ASAP1: variants seen among roughly 807,000 people sequenced by gnomAD.
ASAP1 encodes arf-GAP with SH3 domain, ANK repeat and PH domain-containing protein 1.
In ASAP1, 43 loss-of-function variants were observed where a neutral mutation model predicts 145.2. The observed-to-expected ratio is 0.30, with a 90% CI of 0.23 to 0.38. The LOEUF is 0.38. ASAP1 is among the 10% of genes least tolerant of loss of function. The pLI, the probability that ASAP1 is intolerant of heterozygous loss-of-function variation, is 1.00. For synonymous variants in ASAP1, 546 were observed against 515.5 expected, an observed-to-expected ratio of 1.06 and a Z score of -0.80; for missense variants, 1,018 against 1,355.3, an observed-to-expected ratio of 0.75 and a Z score of 3.91.
At chr8:130,425,785 G>T (rs959243112) in intron 1 of ASAP1, among the ~76,000 whole-genome samples, 2 of 152,188 alleles carry the variant, frequency 1.3e-5, no homozygotes, top group African/African-American at 4.8e-5. Flanking sequence ...ACACATTCCT[G>T]TTCTAAAGCG....
intron 3 of ASAP1, among the ~76,000 whole-genome samples, chr8:130,300,180 A>AGCGAGCGAGC (rs796087046): frequency 2.1e-5 from 3 of 142,558 alleles, no homozygotes; most frequent in South Asian, 2.4e-4. Flanking sequence ...AGAGAGAGAG[A>AGCGAGCGAGC]GAGAGAGCGA....
chr8:130,231,100 C>T (rs888409813), intron 4 of ASAP1, among the ~76,000 whole-genome samples: 1 of 152,154 alleles, frequency 6.6e-6, no homozygotes, highest in African/African-American at 2.4e-5. Context: ...TCCTAGATTT[C>T]CTTGTGCACT....
chr8:130,187,407 T>G, intron 6 of ASAP1, 122 bp from the exon 7 acceptor site: 1 of 779,316 alleles, frequency 1.3e-6, no homozygotes, highest in Non-Finnish European at 2.1e-6. Context: ...CTTCACTTTA[T>G]GCACGTTACA....
At chr8:130,362,508 T>A (rs1826766652) in intron 2 of ASAP1, among the ~76,000 whole-genome samples, 1 of 152,250 alleles carries the variant, frequency 6.6e-6, no homozygotes, top group South Asian at 2.1e-4. Context: ...AGTAGGCTGA[T>A]GCATAGTGAA....
At chr8:130,375,834 G>A (rs929276429) in intron 2 of ASAP1, among the ~76,000 whole-genome samples, 1 of 152,194 alleles carries the variant, frequency 6.6e-6, no homozygotes, top group African/African-American at 2.4e-5. Flanking sequence ...TGATTTCAAA[G>A]CCAGGACTGT....
At chr8:130,397,286 G>A (rs1471233708) in intron 2 of ASAP1, among the ~76,000 whole-genome samples, 4 of 151,938 alleles carry the variant, frequency 2.6e-5, no homozygotes, top group Non-Finnish European at 4.4e-5. Context: ...GACTACAGGC[G>A]CCCACCACCA....
chr8:130,110,295 TCTGAACAGGCATAGG>T (rs2097544538), intron 24 of ASAP1, among the ~76,000 whole-genome samples: 1 of 152,218 alleles, frequency 6.6e-6, no homozygotes, highest in Non-Finnish European at 1.5e-5. Flanking sequence ...CTAGAGGCTC[TCTGAACAGGCATAGG>T]CTGTGCCTGT....
chr8:130,421,938 C>T (rs1348824737), intron 1 of ASAP1, among the ~76,000 whole-genome samples: 1 of 152,128 alleles, frequency 6.6e-6, no homozygotes, highest in Non-Finnish European at 1.5e-5. Flanking sequence ...TCCAAATAAA[C>T]ATAATATAAG....
intron 27 of ASAP1, among the ~76,000 whole-genome samples, chr8:130,064,204 A>G (rs1400318039): frequency 6.6e-6 from 1 of 152,234 alleles, no homozygotes; most frequent in East Asian, 1.9e-4. Flanking sequence ...GGCTCCAGGC[A>G]GACAGGGTAG....
intron 1 of ASAP1, among the ~76,000 whole-genome samples, chr8:130,406,198 A>G (rs1829019508): frequency 6.6e-6 from 1 of 152,224 alleles, no homozygotes; most frequent in South Asian, 2.1e-4. Context: ...TGCTGCCTAA[A>G]GACAGAGCAA....
chr8:130,126,174 A>G, intron 16 of ASAP1, 85 bp from the exon 17 acceptor site: 11 of 1,274,198 alleles, frequency 8.6e-6, no homozygotes, highest in Non-Finnish European at 1.2e-5. Flanking sequence ...AAACAGTAGT[A>G]CAAATTGTTA....
intron 1 of ASAP1, among the ~76,000 whole-genome samples, chr8:130,420,446 C>T (rs1037241562): frequency 1.3e-5 from 2 of 152,102 alleles, no homozygotes; most frequent in African/African-American, 4.8e-5. Context: ...TGAAAATGTA[C>T]ATTCAAATAA....
intron 27 of ASAP1, among the ~76,000 whole-genome samples, chr8:130,069,021 A>G (rs2097436146): frequency 2.6e-5 from 4 of 152,184 alleles, no homozygotes; most frequent in Admixed American, 2.6e-4. Context: ...TAACAAGAGA[A>G]CAGGGAAAGG....
chr8:130,066,588 C>G (rs56916572), intron 27 of ASAP1, among the ~76,000 whole-genome samples: 180 of 150,500 alleles, frequency 1.2e-3, no homozygotes, highest in African/African-American at 4.3e-3. Context: ...TTTCTTTCTT[C>G]TCTCTCTCTC....
At chr8:130,241,578 T>C (rs1472570212) in intron 3 of ASAP1, among the ~76,000 whole-genome samples, 4 of 152,160 alleles carry the variant, frequency 2.6e-5, no homozygotes, top group Non-Finnish European at 5.9e-5. Flanking sequence ...AGACTTGCTT[T>C]GAAAATGGTT....
At chr8:130,257,645 G>C (rs765929298) in intron 3 of ASAP1, among the ~76,000 whole-genome samples, 1 of 151,962 alleles carries the variant, frequency 6.6e-6, no homozygotes, top group Non-Finnish European at 1.5e-5. Flanking sequence ...ATCTACAGTC[G>C]GTAAATTTGG....
intron 3 of ASAP1, among the ~76,000 whole-genome samples, chr8:130,307,507 A>G (rs1039832725): frequency 2.0e-5 from 3 of 152,166 alleles, no homozygotes; most frequent in Non-Finnish European, 4.4e-5. Context: ...AGCAATCCAG[A>G]GCAAAGTGGT....
intron 3 of ASAP1, among the ~76,000 whole-genome samples, chr8:130,346,518 TTCA>T (rs143668464): frequency 0.026 from 3,966 of 152,286 alleles, 61 homozygotes; most frequent in Middle Eastern, 0.044. Context: ...CTAAACCTAG[TTCA>T]TCATCTGTGA....
chr8:130,207,481 C>G (rs985643092), intron 5 of ASAP1, among the ~76,000 whole-genome samples: 2 of 152,148 alleles, frequency 1.3e-5, no homozygotes, highest in African/African-American at 4.8e-5. Flanking sequence ...CTTCTTACTG[C>G]TGCATCCCTA....
Sources: allele counts gnomAD v4.1 joint callset (sites outside exome capture counted in the v4.1 genomes callset), GRCh38; gene constraint gnomAD v4.1.1; transcripts MANE v1.5; gene names NCBI Gene and HGNC (gene_info 2026-07-23, HGNC 2026-07-21).